The following EIF5 variants were observed in gnomAD, a reference collection of about 807,000 sequenced individuals.
The protein encoded by EIF5 is eukaryotic translation initiation factor 5.
Under a neutral mutation model 48.3 loss-of-function variants are expected in EIF5, and 10 were observed. The observed-to-expected ratio is 0.21, with a 90% CI of 0.13 to 0.35. The LOEUF is 0.35. Ranked by LOEUF, EIF5 falls within the 10% of genes least tolerant of loss-of-function variation. The pLI, the probability that EIF5 is intolerant of heterozygous loss-of-function variation, is 1.00. For synonymous variants in EIF5, 237 were observed against 173.1 expected, an observed-to-expected ratio of 1.37 and a Z score of -2.90; for missense variants, 397 against 533.2, an observed-to-expected ratio of 0.74 and a Z score of 2.51.
intron 8 of EIF5, 112 bp downstream of exon 8, chr14:103,339,005 G>C: frequency 6.7e-7 from 1 of 1,492,650 alleles, no homozygotes; most frequent in Non-Finnish European, 9.0e-7. Context: ...CGACTTTTTA[G>C]AACTCTTGTT....
intron 6 of EIF5, 22 bp downstream of exon 6, chr14:103,337,249 C>G (rs747397765): frequency 1.9e-6 from 3 of 1,551,132 alleles, no homozygotes; most frequent in South Asian, 2.3e-5. Context: ...ATGATGAACT[C>G]CTAAGATCCT....
chr14:103,334,763 C>T lies in EIF5; in HGVS notation c.-209+166C>T, dbSNP rs1326943199. On this transcript the variant is annotated intron_variant, in intron 2 of 11. Transcript: ENST00000216554. ...GCGCGCTCCCCGGCCCGGCCTCGCC[C>T]CCTCCCCGGCATGGCGGGAGCGCGT... 64 of 148,742 alleles carry T rather than the reference C, an allele frequency of 4.3e-4. No homozygotes were observed. The East Asian group carries it at 0.011, about 26-fold the overall frequency. 9.2% of individuals were successfully genotyped at this position (148,742 alleles called of 1,614,324 possible). A position where few individuals can be genotyped will look rare whatever the true frequency, so the allele number is the denominator to read the frequency against.
At position 103,334,473 on chromosome 14, in the gene EIF5, C is replaced by T. The variant is rs1387498574; in HGVS notation, c.-333C>T. The T allele has an allele frequency of 6.6e-6, 1 of 152,496 alleles. No homozygotes were observed. Among genetic ancestry groups the T allele is most frequent in the Non-Finnish European group, 1.5e-5 (1 of 68,288 alleles). 9.4% of individuals were successfully genotyped at this position (152,496 alleles called of 1,614,324 possible). On this transcript the variant is annotated 5_prime_UTR_variant, in exon 2 of 12. Transcript: ENST00000216554. ...CCGCTGCTCGGCGGCGGCACCTGGC[C>T]CGGCCGCTCCTCGCTGCGCTTCGCC...
rs45517433 is a variant in EIF5 at position 103,341,636 on chromosome 14, A to G, written c.*584A>G. The G allele has an allele frequency of 0.016, 2,494 of 152,634 alleles. 28 individuals carry two copies. Among genetic ancestry groups the G allele is most frequent in the East Asian group, 0.029 (152 of 5,194 alleles). The allele number at this position is 152,634 out of a possible 1,614,324, so 9.5% of individuals were successfully genotyped here. A position where few individuals can be genotyped will look rare whatever the true frequency, so the allele number is the denominator to read the frequency against. ...ACTGATAATGAAATGACAGTGTAAC[A>G]TCTTAACCAAGAAGTAAATATGACC... On this transcript the variant is annotated 3_prime_UTR_variant, in exon 12 of 12. Transcript: ENST00000216554.
Position 103,337,635 on chromosome 14 carries a change from A to G in EIF5, c.439+408A>G, listed in dbSNP as rs187008166. 2.2e-3 allele frequency: 743 copies of G among 331,176 alleles called. 7 individuals are homozygous for G. The highest frequency in any genetic ancestry group is 0.015 in the African/African-American group (702 of 45,818). 20.5% of individuals were successfully genotyped at this position (331,176 alleles called of 1,614,324 possible). The stretch of plus-strand genomic sequence containing the variant: ...TAAGGAACCTTTTAGTCCTTGTACT[A>G]TATTTTATCAAATCTAAGACATCTT... On this transcript the variant is annotated intron_variant, in intron 6 of 11. Transcript: ENST00000216554.
At chr14:103,336,877 A>G in intron 5 of EIF5, 28 bp downstream of exon 5, 13 of 1,599,768 alleles carry the variant, frequency 8.1e-6, no homozygotes, top group Admixed American at 1.7e-5. Flanking sequence ...TGTCGAAAGA[A>G]AAAGCCATAT....
At position 103,340,543 on chromosome 14, in the gene EIF5, T is replaced by A. The variant is rs373706145; in HGVS notation, c.1188T>A (p.Asp396Glu). 12 of 1,612,482 alleles carry A rather than the reference T, an allele frequency of 7.4e-6. No homozygotes were observed. Among genetic ancestry groups the A allele is most frequent in the African/African-American group, 6.7e-5 (5 of 75,006 alleles). The change falls in exon 11 of 12, where the codon GAT becomes GAA. Residue 396 changes from aspartate to glutamate, a missense_variant. Transcript: ENST00000216554. ...AATCTTCTGGTGGCGAAGAAGAAGA[T>A]GAAGATGAGAACATTGAGGTAAACA... ...EEESSGGEEEDEDENIEVVYS... is the reference protein window; with the variant it reads ...EEESSGGEEEEEDENIEVVYS...
Position 103,341,041 on chromosome 14 carries a change from G to T in EIF5, c.1285G>T (p.Asp429Tyr), listed in dbSNP as rs2089347331. 6.2e-7 allele frequency: 1 copy of T among 1,613,938 alleles called. No homozygotes were observed. The highest frequency in any genetic ancestry group is 8.5e-7 in the Non-Finnish European group (1 of 1,179,954). Reference protein sequence around the residue: ...SDNKDDDIDIDAI With the variant: ...SDNKDDDIDIYAI ...CAACAAGGATGACGACATCGATATTGATGCCATTTAAAGGGATGGATGCAA... is the reference window on the plus strand; with the variant it reads ...CAACAAGGATGACGACATCGATATTTATGCCATTTAAAGGGATGGATGCAA... The change falls in exon 12 of 12, where the codon GAT becomes TAT. Residue 429 changes from aspartate (D) to tyrosine (Y), a missense_variant. By Grantham distance (160) the Asp-to-Tyr change is radical. Coordinates refer to ENST00000216554, the MANE Select transcript of EIF5 (RefSeq NM_001969.5).
At chr14:103,340,906 T>C in intron 11 of EIF5, 57 bp from the exon 12 acceptor site, 2 of 1,554,642 alleles carry the variant, frequency 1.3e-6, no homozygotes, top group Non-Finnish European at 1.8e-6. Flanking sequence ...TTTACATTGA[T>C]TTGTTTTATA....
chr14:103,337,781 C>A, intron 6 of EIF5: 1 of 453,876 alleles, frequency 2.2e-6, no homozygotes, highest in East Asian at 5.8e-5. Context: ...CTGCTGGAAA[C>A]CCAGCAAAGT....
chr14:103,340,641 A>G (rs2089342483), intron 11 of EIF5, 80 bp downstream of exon 11: 7 of 1,524,942 alleles, frequency 4.6e-6, no homozygotes, highest in South Asian at 2.5e-5. Context: ...GAGGAGTGAT[A>G]TAATGGCAGT....
chr14:103,336,089 T>A lies in EIF5; in HGVS notation c.126T>A (p.Val42=). 4 of 1,614,188 alleles carry A rather than the reference T, an allele frequency of 2.5e-6. No homozygotes were observed. The highest frequency in any genetic ancestry group is 3.4e-6 in the Non-Finnish European group (4 of 1,180,032). ...IKTVIVNMVD[V]AKALNRPPTY... Reference sequence around the variant, plus strand: ...CAGTTATAGTCAACATGGTTGACGTTGCAAAGGCGCTTAATCGGCCTCCAA... The same window carrying A: ...CAGTTATAGTCAACATGGTTGACGTAGCAAAGGCGCTTAATCGGCCTCCAA... The change falls in exon 4 of 12, where the codon GTT becomes GTA. Residue 42 remains valine, a synonymous_variant. Coordinates refer to ENST00000216554, the MANE Select transcript of EIF5 (RefSeq NM_001969.5).
chr14:103,335,980 T>C lies in EIF5; in HGVS notation c.72+48T>C, dbSNP rs776347831. On this transcript the variant is annotated intron_variant, in intron 3 of 11. Transcript: ENST00000216554. The stretch of plus-strand genomic sequence containing the variant: ...AGTTGATAGCTCTTTTTGTAGAATT[T>C]TGAAGTTTGCATTTGTCAGGGGAAA... 11 of 1,614,058 alleles carry C rather than the reference T, an allele frequency of 6.8e-6. No individual in the cohort carries two copies. The Admixed American group carries it at 1.7e-4, about 24-fold the overall frequency.
intron 6 of EIF5, chr14:103,337,823 C>A: frequency 2.0e-6 from 1 of 504,360 alleles, no homozygotes; most frequent in Non-Finnish European, 3.9e-6. Flanking sequence ...GTAAAGAGGG[C>A]CCCCTTCATT....
rs1399114456 is a variant in EIF5 at position 103,338,674 on chromosome 14, C to T, written c.586-61C>T. ...CTTGATGCCATTAACTTGGCAAAAT[C>T]TGAACCTTTTTGTTGTTGTTTTTAA... On this transcript the variant is annotated intron_variant, in intron 7 of 11. Coordinates refer to ENST00000216554, the MANE Select transcript of EIF5 (RefSeq NM_001969.5). The T allele has an allele frequency of 4.4e-6, 7 of 1,576,234 alleles. No homozygotes were observed. In the African/African-American group the frequency reaches 8.2e-5, roughly 18 times the overall value.
chr14:103,342,059 A>C lies in EIF5; in HGVS notation c.*1007A>C, dbSNP rs1420674857. The C allele has an allele frequency of 6.6e-6, 1 of 152,524 alleles. No homozygotes were observed. Among genetic ancestry groups the C allele is most frequent in the Non-Finnish European group, 1.5e-5 (1 of 68,024 alleles). 9.4% of individuals were successfully genotyped at this position (152,524 alleles called of 1,614,324 possible). A position where few individuals can be genotyped will look rare whatever the true frequency, so the allele number is the denominator to read the frequency against. On this transcript the variant is annotated 3_prime_UTR_variant, in exon 12 of 12. Transcript: ENST00000216554. ...TAATGCCTTTTACATTTGGACACAT[A>C]GTTTATGCTTTTTAGATTTTGGTTG...
chr14:103,334,516 G>T lies in EIF5; in HGVS notation c.-290G>T, dbSNP rs955212612. 2 of 152,552 alleles carry T rather than the reference G, an allele frequency of 1.3e-5. No individual in the cohort carries two copies. The highest frequency in any genetic ancestry group is 2.9e-5 in the Non-Finnish European group (2 of 68,160). The allele number at this position is 152,552 out of a possible 1,614,324, so 9.4% of individuals were successfully genotyped here. On this transcript the variant is annotated 5_prime_UTR_variant, in exon 2 of 12. Transcript: ENST00000216554. ...GCTTCGCCTCCGCCTCCTCGGACTC[G>T]GACTCGGGTTTATATCGCGCCTCAC...
rs144699320 is a variant in EIF5, at chr14:103,340,469, C to T, written c.1114C>T (p.Arg372Cys). The change falls in exon 11 of 12, where the codon CGT becomes TGT. Residue 372 changes from arginine (R) to cysteine (C), a missense_variant. Physicochemically the swap from Arg to Cys is radical, Grantham distance 180. Transcript: ENST00000216554. ...CTCCAAAGAACTTGCCAAAGAGATT[C>T]GTGTCAAAGCAGAACCATTTATAAA... ...YVSKELAKEI[R>C]VKAEPFIKWL... is the part of the protein sequence containing the mutation. The T allele has an allele frequency of 1.9e-6, 3 of 1,608,898 alleles. No individual in the cohort carries two copies. Among genetic ancestry groups the T allele is most frequent in the Non-Finnish European group, 2.6e-6 (3 of 1,175,700 alleles).
intron 6 of EIF5, chr14:103,337,516 C>G (rs757290120): frequency 2.6e-6 from 1 of 386,600 alleles, no homozygotes; most frequent in African/African-American, 2.1e-5. Context: ...GCATGAGCGT[C>G]GCTTGAACCT....
Sources: allele counts gnomAD v4.1 joint callset, GRCh38; gene constraint gnomAD v4.1.1; transcripts MANE v1.5; gene names NCBI Gene and HGNC (gene_info 2026-07-23, HGNC 2026-07-21).